ANKS1B: variants seen among roughly 807,000 people sequenced by gnomAD.
ANKS1B encodes ankyrin repeat and sterile alpha motif domain containing 1B.
A neutral mutation model predicts 148.3 loss-of-function variants in ANKS1B; 36 were observed. The ratio of observed to expected loss-of-function variants is 0.24; its 90% CI spans 0.19 to 0.32. The LOEUF is 0.32. Among genes scored for constraint, ANKS1B ranks in the 10% least tolerant of loss-of-function variants. The pLI is 1.00. For synonymous variants in ANKS1B, 542 were observed against 560.8 expected, an observed-to-expected ratio of 0.97 and a Z score of 0.47; for missense variants, 1,157 against 1,542.6, an observed-to-expected ratio of 0.75 and a Z score of 4.19.
In ANKS1B at chr12:99,784,287, T is replaced by A. The variant is rs1276586539; in HGVS notation, c.670-2190A>T. 5.3e-5 allele frequency among the ~76,000 whole-genome samples: 8 copies of A among 151,150 alleles called. No individual in the cohort carries two copies. In the South Asian group the frequency reaches 1.7e-3, roughly 32 times the overall value. ...CCAGGGTTCACACCATTCCCCTGTC[T>A]CAGCCTCCCGAGAAGCTGGGACTAC... is the stretch of plus-strand genomic sequence containing the variant. On this transcript the variant is annotated intron_variant, in intron 4 of 26. Coordinates refer to ENST00000683438, the MANE Select transcript of ANKS1B (RefSeq NM_001352186.2).
chr12:98,923,372 G>A (rs190883815), intron 17 of ANKS1B, among the ~76,000 whole-genome samples: 59 of 152,186 alleles, frequency 3.9e-4, no homozygotes, highest in Admixed American at 1.4e-3. Flanking sequence ...TAAACTACCC[G>A]TCTCAGGTAG....
At chr12:98,823,157 A>G (rs1229189361) in intron 19 of ANKS1B, among the ~76,000 whole-genome samples, 1 of 152,270 alleles carries the variant, frequency 6.6e-6, no homozygotes. Context: ...AATAGGGCAC[A>G]GATATCATCA....
intron 10 of ANKS1B, among the ~76,000 whole-genome samples, chr12:99,478,684 C>G (rs894404786): frequency 3.9e-5 from 6 of 152,066 alleles, no homozygotes. Flanking sequence ...AATCTTCAAG[C>G]TTGGAAGTGA....
intron 22 of ANKS1B, among the ~76,000 whole-genome samples, chr12:98,791,503 G>A (rs2098852447): frequency 6.6e-6 from 1 of 152,154 alleles, no homozygotes; most frequent in Non-Finnish European, 1.5e-5. Context: ...CAGTATTTGG[G>A]AGAGAGTGAA....
intron 12 of ANKS1B, among the ~76,000 whole-genome samples, chr12:99,371,581 T>C (rs10860426): frequency 0.11 from 17,397 of 151,442 alleles, 1,478 homozygotes; most frequent in East Asian, 0.49. Context: ...CACACACACA[T>C]ATACATACTG....
chr12:99,374,583 T>G (rs1191779080), intron 12 of ANKS1B, among the ~76,000 whole-genome samples: 1 of 152,248 alleles, frequency 6.6e-6, no homozygotes, highest in African/African-American at 2.4e-5. Flanking sequence ...ATAGTTCACA[T>G]TTATTTCAAT....
intron 8 of ANKS1B, among the ~76,000 whole-genome samples, chr12:99,700,451 G>C (rs1425095231): frequency 2.0e-5 from 3 of 152,112 alleles, no homozygotes; most frequent in Non-Finnish European, 4.4e-5. Context: ...TATTGACTAA[G>C]GATTTATTAC....
intron 14 of ANKS1B, among the ~76,000 whole-genome samples, chr12:99,226,084 T>A (rs1474203583): frequency 1.3e-5 from 2 of 152,322 alleles, no homozygotes; most frequent in African/African-American, 4.8e-5. Flanking sequence ...CAAATCTGTT[T>A]TGAAGATAGG....
chr12:98,743,489 T>C (rs1175735204), downstream of ANKS1B, among the ~76,000 whole-genome samples: 1 of 152,170 alleles, frequency 6.6e-6, no homozygotes, highest in African/African-American at 2.4e-5. Flanking sequence ...ATTTTCCCCT[T>C]GAAGAAAATC....
chr12:99,603,795 C>T (rs1567453875), intron 9 of ANKS1B, among the ~76,000 whole-genome samples: 1 of 151,832 alleles, frequency 6.6e-6, no homozygotes, highest in Admixed American at 6.6e-5. Flanking sequence ...AAAATAAGAA[C>T]CAGAAAACTT....
intron 8 of ANKS1B, among the ~76,000 whole-genome samples, chr12:99,742,197 C>G (rs1464247657): frequency 2.6e-5 from 4 of 151,336 alleles, no homozygotes; most frequent in African/African-American, 9.7e-5. Flanking sequence ...GTACAAACCC[C>G]CATGACATAA....
rs764108377 is a variant in ANKS1B at position 98,801,016 on chromosome 12, G to A, written c.3251C>T (p.Ser1084Leu). The A allele has an allele frequency of 2.5e-6, 4 of 1,612,164 alleles. No individual in the cohort carries two copies. Among genetic ancestry groups the A allele is most frequent in the Non-Finnish European group, 3.4e-6 (4 of 1,179,098 alleles). ...QHHPEKLIFQ[S>L]CDYKAFYLGS... The stretch of plus-strand genomic sequence containing the variant: ...ACTTACAAAAGCTTTGTAATCACAC[G>A]ACTGGAAGATAAGCTTTTCTGGGTG... Residue 1084 changes from serine (S) to leucine (L), a missense_variant, in exon 21 of 27, where the codon TCG becomes TTG. Ser to Leu is a moderately radical substitution (Grantham distance 145, BLOSUM62 -2). This residue lies in a region of ANKS1B where 258 missense variants were observed against 497.0 expected (regional missense o/e 0.52). Coordinates refer to ENST00000683438, the MANE Select transcript of ANKS1B (RefSeq NM_001352186.2). This position sits in a 1 kb window ranked among gnomAD's most constrained non-coding sequence, Gnocchi z 5.2.
intron 1 of ANKS1B, among the ~76,000 whole-genome samples, chr12:99,850,418 CTTAAAT>C (rs2087598289): frequency 6.6e-6 from 1 of 151,492 alleles, no homozygotes; most frequent in Non-Finnish European, 1.5e-5. Flanking sequence ...ACTCTTTTCT[CTTAAAT>C]TTAATCTCTT....
At chr12:99,726,325 A>G (rs564673551) in intron 8 of ANKS1B, among the ~76,000 whole-genome samples, 1 of 152,348 alleles carries the variant, frequency 6.6e-6, no homozygotes, top group South Asian at 2.1e-4. Flanking sequence ...CCACAGAAAT[A>G]CAAACTACCA....
At chr12:99,695,996 C>T (rs561188743) in intron 8 of ANKS1B, among the ~76,000 whole-genome samples, 61 of 152,278 alleles carry the variant, frequency 4.0e-4, no homozygotes, top group African/African-American at 1.3e-3. Context: ...GCACTATGCT[C>T]ACTACCTGGG....
intron 10 of ANKS1B, among the ~76,000 whole-genome samples, chr12:99,501,260 G>C (rs1051041741): frequency 5.4e-5 from 8 of 149,242 alleles, no homozygotes; most frequent in Non-Finnish European, 9.0e-5. Flanking sequence ...CCTTGTTTTT[G>C]TTGGTTCCTG....
At chr12:99,667,455 T>A (rs997246936) in intron 8 of ANKS1B, among the ~76,000 whole-genome samples, 25 of 152,260 alleles carry the variant, frequency 1.6e-4, no homozygotes, top group African/African-American at 6.0e-4. Flanking sequence ...TTACTTTGCA[T>A]CTTGCACACA....
chr12:98,811,451 C>G (rs539745957), intron 19 of ANKS1B, among the ~76,000 whole-genome samples: 2 of 152,192 alleles, frequency 1.3e-5, no homozygotes, highest in Admixed American at 6.5e-5. Context: ...CCCCAAGACT[C>G]TCTGTGTCAG....
At chr12:98,945,308 C>T (rs2099843332) in intron 17 of ANKS1B, among the ~76,000 whole-genome samples, 2 of 151,990 alleles carry the variant, frequency 1.3e-5, no homozygotes, top group South Asian at 4.2e-4. Context: ...CCAGCCTCGG[C>T]AACATGGTGA....
Sources: gnomAD v4.1 joint callset for allele counts (sites outside exome capture counted in the v4.1 genomes callset) on GRCh38, gnomAD v4.1.1 for gene constraint, gnomAD v4.1.1 regional missense constraint, Gnocchi (gnomAD v3.1) non-coding constraint, MANE v1.5 for transcripts, NCBI Gene and HGNC (gene_info 2026-07-23, HGNC 2026-07-21) for gene names.